The following ELP3 variants were observed in gnomAD, a reference collection of about 807,000 sequenced individuals.
ELP3 encodes elongator acetyltransferase complex subunit 3.
A neutral mutation model predicts 74.9 loss-of-function variants in ELP3; 56 were observed. The ratio of observed to expected loss-of-function variants is 0.75; its 90% CI spans 0.60 to 0.93. The LOEUF (loss-of-function observed/expected upper bound fraction) is 0.93, where lower values mean the gene tolerates loss of function less well. ELP3 is among the 40% of genes least tolerant of loss of function. The pLI is 0.00. For missense variants in ELP3, 573 were observed against 686.5 expected (o/e 0.83, Z 1.85); for synonymous variants, 222 against 239.8 (o/e 0.93, Z 0.68).
chr8:28,111,969 T>G (rs1047847500), intron 6 of ELP3, among the ~76,000 whole-genome samples: 1 of 152,212 alleles, frequency 6.6e-6, no homozygotes, highest in Non-Finnish European at 1.5e-5. Context: ...AGTGTTGATA[T>G]ATATGTACAC....
intron 9 of ELP3, among the ~76,000 whole-genome samples, chr8:28,134,184 C>T (rs745837905): frequency 1.6e-4 from 24 of 152,128 alleles, no homozygotes; most frequent in Non-Finnish European, 3.2e-4. Context: ...TTCTTTAGCA[C>T]AGCTCCTAGG....
intron 14 of ELP3, among the ~76,000 whole-genome samples, chr8:28,164,781 C>T (rs1290421210): frequency 6.6e-6 from 1 of 152,076 alleles, no homozygotes; most frequent in East Asian, 1.9e-4. Flanking sequence ...TTATTAAGAA[C>T]TTCAAGGAGG....
intron 14 of ELP3, among the ~76,000 whole-genome samples, chr8:28,165,838 C>G (rs1814285278): frequency 6.6e-6 from 1 of 152,088 alleles, no homozygotes. Context: ...GGTTTTTTAT[C>G]TGTGCTACTT....
At chr8:28,092,835 C>G (rs543539465), upstream of ELP3, 278 of 276,036 alleles carry the variant, frequency 1.0e-3, 2 homozygotes, top group African/African-American at 5.7e-3. Flanking sequence ...CACTCCCCCC[C>G]ATGAGAGACC....
chr8:28,148,403 G>A (rs1813512004), intron 10 of ELP3, among the ~76,000 whole-genome samples: 1 of 152,184 alleles, frequency 6.6e-6, no homozygotes, highest in Non-Finnish European at 1.5e-5. Flanking sequence ...ATCCTGTGAT[G>A]AAACAGGTCA....
At chr8:28,179,176 G>A (rs1356318786) in intron 14 of ELP3, among the ~76,000 whole-genome samples, 2 of 152,206 alleles carry the variant, frequency 1.3e-5, no homozygotes, top group African/African-American at 4.8e-5. Flanking sequence ...TGGTATATAA[G>A]GGTGGTCCTG....
chr8:28,092,326 T>C (rs1811075338), upstream of ELP3, among the ~76,000 whole-genome samples: 1 of 152,172 alleles, frequency 6.6e-6, no homozygotes, highest in African/African-American at 2.4e-5. Flanking sequence ...ACTTCCGGGT[T>C]CAAGAGATTC....
In ELP3 at chr8:28,099,812, G is replaced by A; in HGVS notation, c.120-16G>A. On this transcript the variant is annotated splice_polypyrimidine_tract_variant and intron_variant, in intron 2 of 14. Coordinates refer to ENST00000256398, the MANE Select transcript of ELP3 (RefSeq NM_018091.6). ...AATAACCGTAATCTTGATAATGTGA[G>A]ATGCTTTACTTTCAGGGTGAAAACC... is the stretch of plus-strand genomic sequence containing the variant. The A allele has an allele frequency of 1.2e-6, 2 of 1,614,010 alleles. No homozygotes were observed. Among genetic ancestry groups the A allele is most frequent in the Non-Finnish European group, 1.7e-6 (2 of 1,180,008 alleles).
At chr8:28,155,720 C>T (rs757027612) in intron 10 of ELP3, among the ~76,000 whole-genome samples, 1 of 152,236 alleles carries the variant, frequency 6.6e-6, no homozygotes, top group African/African-American at 2.4e-5. Flanking sequence ...GTGCCTTTCA[C>T]AGAAACCCTG....
chr8:28,128,789 G>A (rs934531419), intron 7 of ELP3, among the ~76,000 whole-genome samples: 1 of 152,176 alleles, frequency 6.6e-6, no homozygotes, highest in Non-Finnish European at 1.5e-5. Context: ...AGCTCCTGTC[G>A]CCTCACTTCA....
At chr8:28,155,676 G>A (rs1164273714) in intron 10 of ELP3, among the ~76,000 whole-genome samples, 2 of 152,172 alleles carry the variant, frequency 1.3e-5, no homozygotes, top group African/African-American at 2.4e-5. Context: ...CATTTGCTTA[G>A]CACTCTGTAA....
chr8:28,131,677 C>T (rs1409278520), intron 8 of ELP3, among the ~76,000 whole-genome samples: 1 of 152,122 alleles, frequency 6.6e-6, no homozygotes, highest in Admixed American at 6.5e-5. Flanking sequence ...TCTAGAATGC[C>T]AAGTTAAGAT....
At chr8:28,184,313 C>A (rs1214975848) in intron 14 of ELP3, among the ~76,000 whole-genome samples, 6 of 152,172 alleles carry the variant, frequency 3.9e-5, no homozygotes, top group Non-Finnish European at 8.8e-5. Flanking sequence ...GGGCTGAGCT[C>A]GCCATCTCAG....
intron 14 of ELP3, among the ~76,000 whole-genome samples, chr8:28,170,163 G>T (rs1211824147): frequency 6.6e-6 from 1 of 152,216 alleles, no homozygotes; most frequent in East Asian, 1.9e-4. Flanking sequence ...CTGTTGGTCA[G>T]AGTCACTGGG....
At chr8:28,129,400 A>G (rs766525626) in intron 7 of ELP3, 102 bp from the exon 8 acceptor site, 12 of 1,227,732 alleles carry the variant, frequency 9.8e-6, no homozygotes, top group Non-Finnish European at 1.4e-5. Flanking sequence ...TACACTCTTT[A>G]CCACTATCTC....
chr8:28,168,597 C>A (rs2130572882), intron 14 of ELP3, among the ~76,000 whole-genome samples: 2 of 152,272 alleles, frequency 1.3e-5, no homozygotes, highest in Middle Eastern at 6.8e-3. Flanking sequence ...TGAATGACTA[C>A]CTTTATTTAA....
chr8:28,156,517 G>A (rs953133272), intron 11 of ELP3, among the ~76,000 whole-genome samples: 3 of 152,036 alleles, frequency 2.0e-5, no homozygotes, highest in African/African-American at 7.2e-5. Context: ...GCTGGCCCAG[G>A]ATATACAAAG....
At chr8:28,115,628 A>T (rs1812098949) in intron 7 of ELP3, among the ~76,000 whole-genome samples, 1 of 152,144 alleles carries the variant, frequency 6.6e-6, no homozygotes, top group African/African-American at 2.4e-5. Flanking sequence ...TCTCTGTTTT[A>T]TGGGTGAGGA....
intron 12 of ELP3, 30 bp downstream of exon 12, chr8:28,158,663 G>T: frequency 1.9e-6 from 3 of 1,582,444 alleles, no homozygotes; most frequent in Non-Finnish European, 2.6e-6. Context: ...AGAGGGCCTA[G>T]GTACTGTCCT....
Sources: gnomAD v4.1 joint callset for allele counts (sites outside exome capture counted in the v4.1 genomes callset) on GRCh38, gnomAD v4.1.1 for gene constraint, MANE v1.5 for transcripts, NCBI Gene and HGNC (gene_info 2026-07-23, HGNC 2026-07-21) for gene names.